Variants in PRDM2 observed in about 807,000 individuals in gnomAD.
The protein encoded by PRDM2 is PR domain zinc finger protein 2.
In PRDM2, 30 loss-of-function variants were observed where a neutral mutation model predicts 130.0. The observed-to-expected ratio is 0.23, with a 90% confidence interval of 0.17 to 0.31. PRDM2 has a LOEUF of 0.31. PRDM2 is among the 10% of genes least tolerant of loss of function. The pLI, the probability that PRDM2 is intolerant of heterozygous loss-of-function variation, is 1.00. For synonymous variants in PRDM2, 871 were observed against 782.4 expected, an observed-to-expected ratio of 1.11 and a Z score of -1.89; for missense variants, 2,011 against 2,108.4, an observed-to-expected ratio of 0.95 and a Z score of 0.90.
chr1:13,740,797 G>A (rs1643414451), intron 4 of PRDM2, among the ~76,000 whole-genome samples: 1 of 152,154 alleles, frequency 6.6e-6, no homozygotes, highest in Non-Finnish European at 1.5e-5. Flanking sequence ...GTTAGGGCCC[G>A]GTAAGGTGGA....
chr1:13,778,473 C>A lies in PRDM2; in HGVS notation c.678C>A (p.Thr226=). The change falls in exon 8 of 10, where the codon ACC becomes ACA. Residue 226 remains threonine, a synonymous_variant. Transcript: ENST00000311066. ...CCTCAGCACTTGAGCAGCCGGCCAC[C>A]CTCCAGGAGGTGGCCAGTCAGGAGG... is the stretch of plus-strand genomic sequence containing the variant. ...PSASALEQPA[T]LQEVASQEVP... 1.2e-6 allele frequency: 2 copies of A among 1,614,010 alleles called. No individual in the cohort carries two copies. Among genetic ancestry groups the A allele is most frequent in the African/African-American group, 1.3e-5 (1 of 75,036 alleles).
At chr1:13,815,260 C>T (rs1462188752) in intron 8 of PRDM2, among the ~76,000 whole-genome samples, 2 of 86,332 alleles carry the variant, frequency 2.3e-5, no homozygotes, top group Non-Finnish European at 4.7e-5. Context: ...GCATCCACCA[C>T]CACGCCTGGA....
At chr1:13,818,412 C>T (rs893821705) in intron 9 of PRDM2, among the ~76,000 whole-genome samples, 1 of 143,530 alleles carries the variant, frequency 7.0e-6, no homozygotes, top group African/African-American at 2.6e-5. Flanking sequence ...CAGAGTCTCG[C>T]TCTGTCGCCA....
intron 8 of PRDM2, among the ~76,000 whole-genome samples, chr1:13,812,344 C>G (rs1160486206): frequency 1.3e-5 from 2 of 151,972 alleles, no homozygotes; most frequent in Admixed American, 1.3e-4. Context: ...GGGGGTCTCA[C>G]AGGCCCCATG....
intron 5 of PRDM2, among the ~76,000 whole-genome samples, chr1:13,743,373 C>T (rs981522767): frequency 7.4e-6 from 1 of 135,174 alleles, no homozygotes; most frequent in Non-Finnish European, 1.5e-5. Flanking sequence ...GCACTCCAGC[C>T]TGGGTAACAG....
chr1:13,764,389 C>G (rs545811259), intron 6 of PRDM2, among the ~76,000 whole-genome samples: 1 of 152,194 alleles, frequency 6.6e-6, no homozygotes, highest in East Asian at 1.9e-4. Flanking sequence ...TGAAGTAGAA[C>G]AGGTCAGCAT....
chr1:13,739,639 G>T (rs1643378992), intron 4 of PRDM2, among the ~76,000 whole-genome samples: 1 of 152,160 alleles, frequency 6.6e-6, no homozygotes, highest in Non-Finnish European at 1.5e-5. Context: ...TGAATTGGAA[G>T]CAATTTACAG....
At chr1:13,752,768 C>T (rs1013931256) in intron 6 of PRDM2, among the ~76,000 whole-genome samples, 1 of 152,116 alleles carries the variant, frequency 6.6e-6, no homozygotes, top group East Asian at 1.9e-4. Flanking sequence ...ATGAAAAAGA[C>T]GGGATGCCTG....
intron 6 of PRDM2, among the ~76,000 whole-genome samples, chr1:13,764,250 G>A: frequency 6.6e-6 from 1 of 152,144 alleles, no homozygotes; most frequent in East Asian, 1.9e-4. Context: ...GGGGGGCTGA[G>A]TCCATAAGTT....
intron 1 of PRDM2, among the ~76,000 whole-genome samples, chr1:13,710,983 G>T (rs575150126): frequency 6.6e-6 from 1 of 152,094 alleles, no homozygotes; most frequent in African/African-American, 2.4e-5. Context: ...TACTCGGGAG[G>T]CTGAGGCAGG....
chr1:13,724,290 A>G (rs780071329), intron 2 of PRDM2, among the ~76,000 whole-genome samples: 2 of 152,188 alleles, frequency 1.3e-5, no homozygotes, highest in Non-Finnish European at 2.9e-5. Flanking sequence ...AGCCATTGCA[A>G]CTTATCTCAG....
chr1:13,727,168 A>T (rs886652694), intron 2 of PRDM2, among the ~76,000 whole-genome samples: 2 of 151,840 alleles, frequency 1.3e-5, no homozygotes, highest in African/African-American at 4.8e-5. Flanking sequence ...TCTTTTCCTG[A>T]CATGTTTCCC....
chr1:13,713,479 C>T (rs1022606889), intron 1 of PRDM2, among the ~76,000 whole-genome samples: 6 of 152,190 alleles, frequency 3.9e-5, no homozygotes, highest in Admixed American at 3.3e-4. Flanking sequence ...GAAGGCAGCA[C>T]AGTGCCTGCA....
intron 2 of PRDM2, among the ~76,000 whole-genome samples, chr1:13,716,669 G>T (rs906928897): frequency 1.6e-4 from 24 of 152,254 alleles, no homozygotes; most frequent in Admixed American, 1.4e-3. Flanking sequence ...CTTCAAGGGT[G>T]TTCTGATAAG....
intron 6 of PRDM2, among the ~76,000 whole-genome samples, chr1:13,770,091 G>C (rs192769182): frequency 1.3e-5 from 2 of 152,132 alleles, no homozygotes; most frequent in African/African-American, 4.8e-5. Flanking sequence ...TCTGTGGCGG[G>C]ATCCCCTCCT....
At chr1:13,725,354 G>A (rs193196399) in intron 2 of PRDM2, among the ~76,000 whole-genome samples, 10 of 152,180 alleles carry the variant, frequency 6.6e-5, no homozygotes, top group East Asian at 3.9e-4. Flanking sequence ...ACAGGTGTGC[G>A]CCACCACGCC....
chr1:13,812,514 G>C (rs1184016536), intron 8 of PRDM2, among the ~76,000 whole-genome samples: 4 of 152,230 alleles, frequency 2.6e-5, no homozygotes, highest in Non-Finnish European at 5.9e-5. Flanking sequence ...CCTGAGAAGA[G>C]TGACAAGAGT....
At position 13,806,263 on chromosome 1, in the gene PRDM2, C is replaced by T. The variant is rs1259089058; in HGVS notation, c.5037-10164C>T. On this transcript the variant is annotated intron_variant, in intron 8 of 9. Coordinates refer to ENST00000311066, the MANE Select transcript of PRDM2 (RefSeq NM_001393986.1). This position sits in a 1 kb window ranked among gnomAD's most constrained non-coding sequence, Gnocchi z 4.1. ...GCCTCCATCCCTGGGCTCTGTCCCC[C>T]GCATCCCGCCTCCATCCCTGGGCTC... Among the ~76,000 whole-genome samples, 3 of 142,650 alleles carry T rather than the reference C, an allele frequency of 2.1e-5. No homozygotes were observed. Among genetic ancestry groups the T allele is most frequent in the Non-Finnish European group, 4.5e-5 (3 of 66,156 alleles). 93.6% of individuals were successfully genotyped at this position (142,650 alleles called of 152,430 possible). A position where few individuals can be genotyped will look rare whatever the true frequency, so the allele number is the denominator to read the frequency against.
intron 8 of PRDM2, among the ~76,000 whole-genome samples, chr1:13,800,047 G>T (rs986657163): frequency 1.3e-5 from 2 of 152,198 alleles, no homozygotes; most frequent in East Asian, 3.9e-4. Flanking sequence ...GTCCAGAAAG[G>T]CAGTGCAGAT....
Sources: gnomAD v4.1 joint callset for allele counts (sites outside exome capture counted in the v4.1 genomes callset) on GRCh38, gnomAD v4.1.1 for gene constraint, Gnocchi (gnomAD v3.1) non-coding constraint, MANE v1.5 for transcripts, NCBI Gene and HGNC (gene_info 2026-07-23, HGNC 2026-07-21) for gene names.